LRP1B: variants seen among roughly 807,000 people sequenced by gnomAD.
LRP1B encodes LDL receptor related protein 1B.
A neutral mutation model predicts 556.6 loss-of-function variants in LRP1B; 217 were observed. The ratio of observed to expected loss-of-function variants is 0.39; its 90% CI spans 0.35 to 0.44. LRP1B has a LOEUF of 0.44. LRP1B is among the 20% of genes least tolerant of loss of function. The pLI is 1.00. For missense variants in LRP1B, 5,053 were observed against 5,620.8 expected (o/e 0.90, Z 3.23); for synonymous variants, 2,047 against 1,865.8 (o/e 1.10, Z -2.50).
At chr2:140,826,420 C>T (rs1265949493) in intron 31 of LRP1B, among the ~76,000 whole-genome samples, 2 of 152,176 alleles carry the variant, frequency 1.3e-5, no homozygotes, top group East Asian at 1.9e-4. Flanking sequence ...AAGAGACTGA[C>T]ACCATCAAAA....
At chr2:141,670,496 T>A (rs1690625420) in intron 2 of LRP1B, among the ~76,000 whole-genome samples, 1 of 152,166 alleles carries the variant, frequency 6.6e-6, no homozygotes, top group Non-Finnish European at 1.5e-5. Context: ...TGACTTAGGC[T>A]ATGGGCAAGG....
intron 41 of LRP1B, among the ~76,000 whole-genome samples, chr2:140,658,756 T>C (rs1293566419): frequency 6.6e-6 from 1 of 152,076 alleles, no homozygotes; most frequent in Non-Finnish European, 1.5e-5. Flanking sequence ...TCTTTGCGGG[T>C]TCTGTATGAA....
intron 60 of LRP1B, among the ~76,000 whole-genome samples, chr2:140,466,401 C>T (rs1035210092): frequency 1.3e-5 from 2 of 152,080 alleles, no homozygotes; most frequent in African/African-American, 2.4e-5. Flanking sequence ...ACTGCCCCCT[C>T]ACAACACAAA....
At chr2:141,024,583 T>C (rs147026253) in intron 11 of LRP1B, among the ~76,000 whole-genome samples, 7 of 152,130 alleles carry the variant, frequency 4.6e-5, no homozygotes, top group African/African-American at 1.4e-4. Flanking sequence ...TGCATCATAG[T>C]TACCAATAAT....
intron 37 of LRP1B, among the ~76,000 whole-genome samples, chr2:140,712,063 G>A (rs183849881): frequency 2.6e-5 from 4 of 152,234 alleles, no homozygotes; most frequent in Admixed American, 2.6e-4. Flanking sequence ...GCTCTCAAAT[G>A]ACCTTTGTCC....
At chr2:141,087,241 C>G (rs1021790065) in intron 7 of LRP1B, among the ~76,000 whole-genome samples, 4 of 152,066 alleles carry the variant, frequency 2.6e-5, no homozygotes. Context: ...TTCATTCCTT[C>G]TGATTTGTGG....
At chr2:140,581,203 A>G (rs1179747245) in intron 43 of LRP1B, among the ~76,000 whole-genome samples, 1 of 152,228 alleles carries the variant, frequency 6.6e-6, no homozygotes, top group Non-Finnish European at 1.5e-5. Context: ...ATAATTGTCA[A>G]AATGACTTTA....
Position 140,757,140 on chromosome 2 carries a change from A to G in LRP1B, c.5758+12073T>C, listed in dbSNP as rs187538061. On this transcript the variant is annotated intron_variant, in intron 35 of 90. Transcript: ENST00000389484. ...CCACTTTATATTCATCAGAATGGCT[A>G]CAGATCATAACAAGTCTTGGAGACA... Among the ~76,000 whole-genome samples, 35 of 152,358 alleles carry G rather than the reference A, an allele frequency of 2.3e-4. No individual in the cohort carries two copies. In the East Asian group the frequency reaches 6.8e-3, roughly 29 times the overall value.
intron 32 of LRP1B, among the ~76,000 whole-genome samples, chr2:140,812,644 A>T (rs1690969368): frequency 6.6e-6 from 1 of 151,950 alleles, no homozygotes; most frequent in Non-Finnish European, 1.5e-5. Context: ...AAATAGTAAA[A>T]TGGCTAAAAG....
At chr2:141,882,555 C>T (rs1452600472) in intron 1 of LRP1B, among the ~76,000 whole-genome samples, 1 of 152,158 alleles carries the variant, frequency 6.6e-6, no homozygotes, top group Non-Finnish European at 1.5e-5. Context: ...TCAAACAACT[C>T]ATGGTTATAC....
intron 3 of LRP1B, among the ~76,000 whole-genome samples, chr2:141,356,475 T>C (rs1688630024): frequency 6.6e-6 from 1 of 151,942 alleles, no homozygotes; most frequent in Non-Finnish European, 1.5e-5. Context: ...AAATACACAC[T>C]ACAGAGTATG....
At chr2:141,486,975 T>C (rs1683144773) in intron 2 of LRP1B, among the ~76,000 whole-genome samples, 1 of 152,138 alleles carries the variant, frequency 6.6e-6, no homozygotes, top group Non-Finnish European at 1.5e-5. Context: ...CAAAGACTGA[T>C]CAGAATACCT....
chr2:141,813,138 C>T (rs1047278241), intron 1 of LRP1B, among the ~76,000 whole-genome samples: 6 of 152,090 alleles, frequency 3.9e-5, no homozygotes, highest in Admixed American at 2.6e-4. Context: ...GTGTTCTAGG[C>T]ACTAGGGATA....
At chr2:141,037,479 C>G (rs1698566911) in intron 11 of LRP1B, among the ~76,000 whole-genome samples, 1 of 151,780 alleles carries the variant, frequency 6.6e-6, no homozygotes, top group Non-Finnish European at 1.5e-5. Flanking sequence ...GATTTTTTTT[C>G]CATGCATGAA....
chr2:141,791,108 T>C (rs1695594798), intron 2 of LRP1B, among the ~76,000 whole-genome samples: 1 of 151,922 alleles, frequency 6.6e-6, no homozygotes, highest in Non-Finnish European at 1.5e-5. Context: ...AGAATATAAT[T>C]TTTACTAAAG....
intron 71 of LRP1B, among the ~76,000 whole-genome samples, chr2:140,366,529 A>C (rs1682770201): frequency 6.6e-6 from 1 of 151,704 alleles, no homozygotes; most frequent in Admixed American, 6.6e-5. Flanking sequence ...TATGATTTGA[A>C]GTTTAAAAGA....
At chr2:140,936,832 A>G (rs184480076) in intron 20 of LRP1B, among the ~76,000 whole-genome samples, 1 of 152,272 alleles carries the variant, frequency 6.6e-6, no homozygotes, top group Non-Finnish European at 1.5e-5. Context: ...TATGTTTCAG[A>G]CATACAATGT....
chr2:141,867,879 G>A (rs1194119839), intron 1 of LRP1B, among the ~76,000 whole-genome samples: 1 of 152,120 alleles, frequency 6.6e-6, no homozygotes, highest in African/African-American at 2.4e-5. Flanking sequence ...CAAATTGAGA[G>A]TTAATTCACC....
rs537140143 is a variant in LRP1B at position 140,284,335 on chromosome 2, A to G, written c.12968-9737T>C. 1.9e-4 allele frequency among the ~76,000 whole-genome samples: 27 copies of G among 140,286 alleles called. No individual in the cohort carries two copies. The South Asian group carries it at 5.6e-3, about 29-fold the overall frequency. 92.0% of individuals were successfully genotyped at this position (140,286 alleles called of 152,430 possible). On this transcript the variant is annotated intron_variant, in intron 84 of 90. Transcript: ENST00000389484. ...AAAAAAAACCGTTTTTCAGAGTGCA[A>G]AGTAATGACTCAATTTTCGAAAACT...
Sources: gnomAD v4.1 joint callset for allele counts (sites outside exome capture counted in the v4.1 genomes callset) on GRCh38, gnomAD v4.1.1 for gene constraint, MANE v1.5 for transcripts, NCBI Gene and HGNC (gene_info 2026-07-23, HGNC 2026-07-21) for gene names.